The following CNIH3 variants were observed in gnomAD, a reference collection of about 807,000 sequenced individuals.
The protein encoded by CNIH3 is protein cornichon homolog 3.
Under a neutral mutation model 24.1 loss-of-function variants are expected in CNIH3, and 14 were observed. The observed-to-expected ratio is 0.58, with a 90% confidence interval of 0.38 to 0.91. The LOEUF (loss-of-function observed/expected upper bound fraction) is 0.91, where lower values mean the gene tolerates loss of function less well. Among genes scored for constraint, CNIH3 ranks in the 40% least tolerant of loss-of-function variants. The pLI, the probability that CNIH3 is intolerant of heterozygous loss-of-function variation, is 0.00. For synonymous variants in CNIH3, 68 were observed against 73.8 expected, an observed-to-expected ratio of 0.92 and a Z score of 0.40; for missense variants, 178 against 196.8, an observed-to-expected ratio of 0.90 and a Z score of 0.57.
intron 4 of CNIH3, among the ~76,000 whole-genome samples, chr1:224,568,421 G>A (rs905328732): frequency 6.6e-6 from 1 of 152,064 alleles, no homozygotes; most frequent in African/African-American, 2.4e-5. Context: ...GTTTTGATTA[G>A]ATATTGAGAA....
intron 4 of CNIH3, among the ~76,000 whole-genome samples, chr1:224,572,453 T>G (rs2125001976): frequency 6.6e-6 from 1 of 151,450 alleles, no homozygotes; most frequent in South Asian, 2.1e-4. Flanking sequence ...GAGGTGGAGG[T>G]TTCAGTGAGC....
At chr1:224,556,178 CTT>C (rs112250509) in intron 3 of CNIH3, among the ~76,000 whole-genome samples, 291 of 141,592 alleles carry the variant, frequency 2.1e-3, no homozygotes, top group African/African-American at 6.7e-3. Context: ...GTTTTCCTAT[CTT>C]TTTTTTTTTT....
upstream of CNIH3, among the ~76,000 whole-genome samples, chr1:224,614,299 G>A (rs6670199): frequency 1.0e-3 from 157 of 152,260 alleles, no homozygotes; most frequent in African/African-American, 3.5e-3. Flanking sequence ...ATGTAGATCG[G>A]TTCATTGCTC....
intron 1 of CNIH3, among the ~76,000 whole-genome samples, chr1:224,473,351 T>C (rs967591373): frequency 6.6e-6 from 1 of 151,954 alleles, no homozygotes; most frequent in African/African-American, 2.4e-5. Flanking sequence ...TAATTGGTAA[T>C]CGACTACACT....
intron 3 of CNIH3, among the ~76,000 whole-genome samples, chr1:224,726,549 G>C (rs1689032084): frequency 6.6e-6 from 1 of 152,172 alleles, no homozygotes; most frequent in African/African-American, 2.4e-5. Flanking sequence ...AGGTGGCCTT[G>C]TTAAGGAGCC....
At chr1:224,505,009 C>T (rs1677838321) in intron 1 of CNIH3, among the ~76,000 whole-genome samples, 1 of 79,274 alleles carries the variant, frequency 1.3e-5, no homozygotes, top group African/African-American at 5.1e-5. Context: ...TCCCTCCCTC[C>T]CTCCCTCCCT....
rs868827865 is a variant in CNIH3, at chr1:224,617,320, C to T, written c.81+65C>T. The stretch of plus-strand genomic sequence containing the variant: ...TTCGCTAAATTTCCCCGATTTCACC[C>T]CACTTTTTCCACCTTGCGGGCGTGG... On this transcript the variant is annotated intron_variant, in intron 1 of 5. Coordinates refer to ENST00000272133, the MANE Select transcript of CNIH3 (RefSeq NM_152495.2). The T allele has an allele frequency of 1.4e-4, 217 of 1,554,264 alleles. 1 individual carries two copies. In the Middle Eastern group the frequency reaches 2.9e-3, roughly 21 times the overall value.
intron 3 of CNIH3, among the ~76,000 whole-genome samples, chr1:224,724,524 T>C (rs2125230362): frequency 6.6e-6 from 1 of 152,366 alleles, no homozygotes; most frequent in South Asian, 2.1e-4. Context: ...GAATACTGAC[T>C]TCGTCCGGGG....
intron 1 of CNIH3, among the ~76,000 whole-genome samples, chr1:224,640,305 G>A (rs1684293730): frequency 6.6e-6 from 1 of 152,216 alleles, no homozygotes; most frequent in South Asian, 2.1e-4. Flanking sequence ...TCTCATCTGG[G>A]TGGCTGGGCA....
At chr1:224,702,082 TC>T (rs1394877862) in intron 3 of CNIH3, among the ~76,000 whole-genome samples, 1 of 90,930 alleles carries the variant, frequency 1.1e-5, no homozygotes, top group African/African-American at 3.4e-5. Flanking sequence ...AGATATACAC[TC>T]CAGCTCAGTT....
chr1:224,479,130 C>T (rs969734589), intron 1 of CNIH3, among the ~76,000 whole-genome samples: 8 of 148,580 alleles, frequency 5.4e-5, no homozygotes, highest in African/African-American at 2.5e-5. Flanking sequence ...GCCTTCCCAG[C>T]AGTCCCCCAA....
Position 224,656,205 on chromosome 1 carries a change from C to G in CNIH3, c.82-24753C>G, listed in dbSNP as rs145285936. Among the ~76,000 whole-genome samples the G allele has an allele frequency of 1.5e-3, 222 of 152,272 alleles. 5 individuals are homozygous for G. The East Asian group carries it at 0.035, about 24-fold the overall frequency. ...GATAATGAGAAGGAATGAAAGCATT[C>G]CACTTATAATGGGAAATACTCAAAG... On this transcript the variant is annotated intron_variant, in intron 1 of 5. Coordinates refer to ENST00000272133, the MANE Select transcript of CNIH3 (RefSeq NM_152495.2).
chr1:224,458,548 A>G lies in CNIH3; in HGVS notation n.203+23686A>G, dbSNP rs1173140953. On this transcript the variant is annotated intron_variant and non_coding_transcript_variant, in intron 1 of 5. Transcript: ENST00000471578. This position sits in a 1 kb window ranked among gnomAD's most constrained non-coding sequence, Gnocchi z 4.3. ...TGATGACAGCAACCACCCTTTGACTACCTTCTCTGTGGCTGTTACTGTCTG... is the reference window on the plus strand; with the variant it reads ...TGATGACAGCAACCACCCTTTGACTGCCTTCTCTGTGGCTGTTACTGTCTG... Among the ~76,000 whole-genome samples, 1 of 151,818 alleles carries G rather than the reference A, an allele frequency of 6.6e-6. No individual in the cohort carries two copies. The highest frequency in any genetic ancestry group is 2.4e-5 in the African/African-American group (1 of 41,322).
chr1:224,586,069 GC>G (rs1681495212), intron 5 of CNIH3, among the ~76,000 whole-genome samples: 1 of 152,212 alleles, frequency 6.6e-6, no homozygotes, highest in African/African-American at 2.4e-5. Flanking sequence ...CCCTAGTACT[GC>G]AGAAATGAAT....
At chr1:224,484,119 G>A (rs549396940) in intron 1 of CNIH3, among the ~76,000 whole-genome samples, 3 of 150,844 alleles carry the variant, frequency 2.0e-5, no homozygotes, top group Non-Finnish European at 4.4e-5. Context: ...TGCAGTGAGC[G>A]GAGATCGCAC....
rs61128987 is a variant in CNIH3 at position 224,705,850 on chromosome 1, C to CTTTTTTTTTTTTTTTTTTTT, written c.198+21015_198+21016insTTTTTTTTTTTTTTTTTTTT. On this transcript the variant is annotated intron_variant, in intron 3 of 5. Coordinates refer to ENST00000272133, the MANE Select transcript of CNIH3 (RefSeq NM_152495.2). ...TTCTTTTCTTTTCTCTCTTTCTTTT[C>CTTTTTTTTTTTTTTTTTTTT]TTTTTTTTCTTTTTTTTTTTTTTTG... Among the ~76,000 whole-genome samples, 4 of 90,208 alleles carry CTTTTTTTTTTTTTTTTTTTT rather than the reference C, an allele frequency of 4.4e-5. 1 individual carries two copies. The highest frequency in any genetic ancestry group is 9.6e-5 in the Non-Finnish European group (4 of 41,724). The allele number at this position is 90,208 out of a possible 152,430, so 59.2% of individuals were successfully genotyped here.
In CNIH3 at chr1:224,617,032, T is replaced by C; in HGVS notation, c.-143T>C. 3 of 1,425,682 alleles carry C rather than the reference T, an allele frequency of 2.1e-6. No homozygotes were observed. The highest frequency in any genetic ancestry group is 1.7e-5 in the South Asian group (1 of 59,640). 88.3% of individuals were successfully genotyped at this position (1,425,682 alleles called of 1,614,324 possible). A position where few individuals can be genotyped will look rare whatever the true frequency, so the allele number is the denominator to read the frequency against. ...GCTTATTCGCTGACCCTCGAGTCGCTTCGCTAGCTGTGCGCCCTCCTGGGC... is the reference window on the plus strand; with the variant it reads ...GCTTATTCGCTGACCCTCGAGTCGCCTCGCTAGCTGTGCGCCCTCCTGGGC... On this transcript the variant is annotated 5_prime_UTR_variant, in exon 1 of 6. Coordinates refer to ENST00000272133, the MANE Select transcript of CNIH3 (RefSeq NM_152495.2).
chr1:224,529,409 A>G (rs1330600646), intron 2 of CNIH3: 1 of 152,262 alleles, frequency 6.6e-6, no homozygotes, highest in Non-Finnish European at 1.5e-5. Flanking sequence ...GTACAAGAGA[A>G]GAAACATTCA....
At chr1:224,637,449 A>G (rs1458984651) in intron 1 of CNIH3, among the ~76,000 whole-genome samples, 1 of 150,694 alleles carries the variant, frequency 6.6e-6, no homozygotes, top group Non-Finnish European at 1.5e-5. Flanking sequence ...GGGGCAAAAC[A>G]GTTGCTTCAG....
Sources: gnomAD v4.1 joint callset for allele counts (sites outside exome capture counted in the v4.1 genomes callset) on GRCh38, gnomAD v4.1.1 for gene constraint, Gnocchi (gnomAD v3.1) non-coding constraint, MANE v1.5 for transcripts, NCBI Gene and HGNC (gene_info 2026-07-23, HGNC 2026-07-21) for gene names.